Variants in KCNJ10 observed in about 807,000 individuals in gnomAD.
The protein encoded by KCNJ10 is ATP-sensitive inward rectifier potassium channel 10.
A neutral mutation model predicts 22.2 loss-of-function variants in KCNJ10; 9 were observed. That is an observed-to-expected ratio of 0.40 (90% CI 0.24 to 0.71). The LOEUF is 0.71. KCNJ10 is among the 30% of genes least tolerant of loss of function. The pLI, the probability that KCNJ10 is intolerant of heterozygous loss-of-function variation, is 0.35. For synonymous variants in KCNJ10, 184 were observed against 187.3 expected, an observed-to-expected ratio of 0.98 and a Z score of 0.15; for missense variants, 337 against 482.7, an observed-to-expected ratio of 0.70 and a Z score of 2.83.
In KCNJ10 at chr1:160,051,124, A is replaced by C. The variant is rs570944603; in HGVS notation, c.1-8592T>G. ...ATAACCAGCTGGCCAGCTGGCCACC[A>C]TGTTGGCCAGGATGGTCTCGATTTC... On this transcript the variant is annotated intron_variant, in intron 1 of 1. Coordinates refer to ENST00000644903, the MANE Select transcript of KCNJ10 (RefSeq NM_002241.5). Among the ~76,000 whole-genome samples the C allele has an allele frequency of 1.3e-4, 20 of 151,664 alleles. No individual in the cohort carries two copies. In the South Asian group the frequency reaches 4.0e-3, roughly 30 times the overall value.
At chr1:160,043,526 C>A (rs374397151) in intron 1 of KCNJ10, among the ~76,000 whole-genome samples, 2 of 152,108 alleles carry the variant, frequency 1.3e-5, no homozygotes, top group East Asian at 3.8e-4. Flanking sequence ...GAGTCTAGGG[C>A]AGTGTTAGGA....
rs114397664 is a variant in KCNJ10 at position 160,054,045 on chromosome 1, A to C, written c.1-11513T>G. Among the ~76,000 whole-genome samples, 878 of 152,186 alleles carry C rather than the reference A, an allele frequency of 5.8e-3. 4 individuals carry two copies. Among genetic ancestry groups the C allele is most frequent in the Non-Finnish European group, 9.8e-3 (664 of 67,998 alleles). ...CTTCTGTCCCCTGCAAGAAAGAAAC[A>C]ATGTTCTGTAGAGACCTGCCCACAG... On this transcript the variant is annotated intron_variant, in intron 1 of 1. Coordinates refer to ENST00000644903, the MANE Select transcript of KCNJ10 (RefSeq NM_002241.5).
rs1648576584 is a variant in KCNJ10 at position 160,040,538 on chromosome 1, G to T, written c.*855C>A. Reference sequence around the variant, plus strand: ...GCCTGGGTACTGGACTCTTTTCAAAGGAACATATTGGCTTGGGTCCTTCCA... The same window carrying T: ...GCCTGGGTACTGGACTCTTTTCAAATGAACATATTGGCTTGGGTCCTTCCA... On this transcript the variant is annotated 3_prime_UTR_variant, in exon 2 of 2. Transcript: ENST00000644903. 1 of 398,672 alleles carries T rather than the reference G, an allele frequency of 2.5e-6. No individual in the cohort carries two copies. The highest frequency in any genetic ancestry group is 4.4e-6 in the Non-Finnish European group (1 of 226,128). The allele number at this position is 398,672 out of a possible 1,614,324, so 24.7% of individuals were successfully genotyped here.
chr1:160,069,664 G>C (rs940738732), intron 1 of KCNJ10, among the ~76,000 whole-genome samples: 1 of 152,176 alleles, frequency 6.6e-6, no homozygotes, highest in African/African-American at 2.4e-5. Flanking sequence ...GGGGAGGAGG[G>C]CGCACTGTCT....
At chr1:160,043,677 A>G (rs2789421) in intron 1 of KCNJ10, among the ~76,000 whole-genome samples, 152,036 of 152,380 alleles carry the variant, frequency 1, 75,848 homozygotes, top group Middle Eastern at 1. Flanking sequence ...TTGTTTTGAC[A>G]GAATGAAGTA....
At chr1:160,058,195 C>T (rs1649087918) in intron 1 of KCNJ10, among the ~76,000 whole-genome samples, 1 of 152,182 alleles carries the variant, frequency 6.6e-6, no homozygotes, top group Non-Finnish European at 1.5e-5. Context: ...TTCCATGTGC[C>T]ACCCACTTCA....
intron 1 of KCNJ10, among the ~76,000 whole-genome samples, chr1:160,052,355 T>C (rs866148756): frequency 6.6e-6 from 1 of 152,234 alleles, no homozygotes; most frequent in African/African-American, 2.4e-5. Context: ...CTGTCCATCA[T>C]GCTCAAGAAC....
At chr1:160,060,008 C>G (rs1459899297) in intron 1 of KCNJ10, among the ~76,000 whole-genome samples, 1 of 152,160 alleles carries the variant, frequency 6.6e-6, no homozygotes, top group Non-Finnish European at 1.5e-5. Flanking sequence ...GAAAATTGAG[C>G]CTGTTTCCCT....
At position 160,042,536 on chromosome 1, in the gene KCNJ10, G is replaced by A; in HGVS notation, c.1-4C>T. 1 of 1,613,568 alleles carries A rather than the reference G, an allele frequency of 6.2e-7. No homozygotes were observed. The highest frequency in any genetic ancestry group is 8.5e-7 in the Non-Finnish European group (1 of 1,179,852). ...ACACCTTGGCAACTGACGTCATCTGGAGGGAGCAAGACAGCATAATGGAGG... is the reference window on the plus strand; with the variant it reads ...ACACCTTGGCAACTGACGTCATCTGAAGGGAGCAAGACAGCATAATGGAGG... On this transcript the variant is annotated splice_region_variant and splice_polypyrimidine_tract_variant and intron_variant, in intron 1 of 1. Coordinates refer to ENST00000644903, the MANE Select transcript of KCNJ10 (RefSeq NM_002241.5).
At position 160,061,554 on chromosome 1, in the gene KCNJ10, A is replaced by G. The variant is rs1480905039; in HGVS notation, c.-1+8468T>C. ...GGAGCATTGCTTAGAGTGCAGCAAG[A>G]GGCTGTGTCCATGGTTAACGTATAA... On this transcript the variant is annotated intron_variant, in intron 1 of 1. Transcript: ENST00000644903. 3.3e-5 allele frequency among the ~76,000 whole-genome samples: 5 copies of G among 152,098 alleles called. 1 individual carries two copies. In the Middle Eastern group the frequency reaches 0.01, roughly 310 times the overall value.
In KCNJ10 at chr1:160,037,541, C is replaced by G. The variant is rs1422714305; in HGVS notation, c.*3852G>C. On this transcript the variant is annotated 3_prime_UTR_variant, in exon 2 of 2. Coordinates refer to ENST00000644903, the MANE Select transcript of KCNJ10 (RefSeq NM_002241.5). ...CAAAAACAAAACAAATCTTACACACCTTTTTTTTCCTAGATAAATTTGACC... is the reference window on the plus strand; with the variant it reads ...CAAAAACAAAACAAATCTTACACACGTTTTTTTTCCTAGATAAATTTGACC... 1 of 151,994 alleles carries G rather than the reference C, an allele frequency of 6.6e-6. No homozygotes were observed. The highest frequency in any genetic ancestry group is 1.5e-5 in the Non-Finnish European group (1 of 67,992). 9.4% of individuals were successfully genotyped at this position (151,994 alleles called of 1,614,324 possible).
At chr1:160,061,340 C>G (rs1649188115) in intron 1 of KCNJ10, among the ~76,000 whole-genome samples, 1 of 152,168 alleles carries the variant, frequency 6.6e-6, no homozygotes, top group East Asian at 1.9e-4. Flanking sequence ...ATCTACCTCC[C>G]AGGGCCAGGA....
At chr1:160,049,687 A>ATATATATATATATATATATATATT (rs1648846311) in intron 1 of KCNJ10, among the ~76,000 whole-genome samples, 6 of 104,070 alleles carry the variant, frequency 5.8e-5, no homozygotes, top group African/African-American at 2.2e-4. Flanking sequence ...ATATATATAT[A>ATATATATATATATATATATATATT]TATATATATA....
chr1:160,041,696 C>CTT lies in KCNJ10; in HGVS notation c.836_837insAA (p.Val280ArgfsTer3). 1 of 1,614,194 alleles carries CTT rather than the reference C, an allele frequency of 6.2e-7. No homozygotes were observed. Among genetic ancestry groups the CTT allele is most frequent in the Non-Finnish European group, 8.5e-7 (1 of 1,180,030 alleles). On this transcript the variant is annotated frameshift_variant, in exon 2 of 2. Transcript: ENST00000644903. LOFTEE classifies it high-confidence loss of function. The surrounding 1 kb of genome is among the most constrained non-coding windows in gnomAD (Gnocchi z 4.4). The stretch of plus-strand genomic sequence containing the variant: ...CCACTGTCCCACTTAGGATCAGCAC[C>CTT]AGCTCAAAGTCACCCTCACCACTGC...
chr1:160,062,557 G>C (rs928124060), intron 1 of KCNJ10: 1 of 152,166 alleles, frequency 6.6e-6, no homozygotes, highest in Non-Finnish European at 1.5e-5. Flanking sequence ...GACAGGGGAG[G>C]AGACTAGACT....
rs78128621 is a variant in KCNJ10 at position 160,047,286 on chromosome 1, C to A, written c.1-4754G>T. The stretch of plus-strand genomic sequence containing the variant: ...CTCCCCTTTGCTTTTTGCTACTTCG[C>A]TCCTGGGTTTCTCTTCCTCAAATAC... On this transcript the variant is annotated intron_variant, in intron 1 of 1. Transcript: ENST00000644903. 8.1e-3 allele frequency among the ~76,000 whole-genome samples: 1,230 copies of A among 152,308 alleles called. 22 individuals carry two copies. The highest frequency in any genetic ancestry group is 0.028 in the African/African-American group (1,169 of 41,546).
At chr1:160,059,290 A>C (rs1257717599) in intron 1 of KCNJ10, among the ~76,000 whole-genome samples, 2 of 152,174 alleles carry the variant, frequency 1.3e-5, no homozygotes, top group African/African-American at 2.4e-5. Flanking sequence ...CATCACGTTT[A>C]ATACCCACAT....
In KCNJ10 at chr1:160,042,087, G is replaced by A; in HGVS notation, c.446C>T (p.Ala149Val). ...ECPLAIVLLI[A>V]QLVLTTILEI... ...CAGGATGGTGGTGAGCACCAGCTGG[G>A]CAATAAGAAGCACAATGGCCAGTGG... Residue 149 changes from alanine (A) to valine (V), a missense_variant, in exon 2 of 2, where the codon GCC becomes GTC. Transcript: ENST00000644903. 6.5e-7 allele frequency: 1 copy of A among 1,549,882 alleles called. No individual in the cohort carries two copies. Among genetic ancestry groups the A allele is most frequent in the Non-Finnish European group, 8.7e-7 (1 of 1,148,228 alleles).
chr1:160,064,020 A>G (rs1649259471), intron 1 of KCNJ10, among the ~76,000 whole-genome samples: 1 of 152,254 alleles, frequency 6.6e-6, no homozygotes, highest in African/African-American at 2.4e-5. Flanking sequence ...GCTAGTGAGT[A>G]GTAGAACAGA....
Sources: allele counts gnomAD v4.1 joint callset (sites outside exome capture counted in the v4.1 genomes callset), GRCh38; gene constraint gnomAD v4.1.1; non-coding constraint Gnocchi (gnomAD v3.1); transcripts MANE v1.5; gene names NCBI Gene and HGNC (gene_info 2026-07-23, HGNC 2026-07-21).